The following MOB3A variants were observed in gnomAD, a reference collection of about 807,000 sequenced individuals.
MOB3A encodes the protein MOB LAK.
A neutral mutation model predicts 17.8 loss-of-function variants in MOB3A; 17 were observed. The ratio of observed to expected loss-of-function variants is 0.95; its 90% confidence interval spans 0.65 to 1.43. The LOEUF is 1.43. MOB3A is among the 40% of genes most tolerant of loss of function. MOB3A has a pLI of 0.00. For synonymous variants in MOB3A, 124 were observed against 133.2 expected (o/e 0.93, Z 0.48); for missense variants, 333 against 310.8 (o/e 1.07, Z -0.54).
At chr19:2,081,811 G>A (rs993539038) in intron 2 of MOB3A, among the ~76,000 whole-genome samples, 2 of 152,202 alleles carry the variant, frequency 1.3e-5, no homozygotes, top group African/African-American at 4.8e-5. Context: ...TTGAACCTGG[G>A]AGGCAGAGGT....
At chr19:2,087,249 G>A (rs1021114027) in intron 1 of MOB3A, among the ~76,000 whole-genome samples, 2 of 152,188 alleles carry the variant, frequency 1.3e-5, no homozygotes, top group Admixed American at 6.5e-5. Context: ...CATCCCACAC[G>A]TTTTAACCTT....
In MOB3A at chr19:2,078,162, C is replaced by T; in HGVS notation, c.399G>A (p.Glu133=). Residue 133 remains glutamate (E), a synonymous_variant, in exon 3 of 5, where the codon GAG becomes GAA. Coordinates refer to ENST00000357066, the MANE Select transcript of MOB3A (RefSeq NM_130807.3). ...CACCAACGTTGGTGGGGAAGAGGTC[C>T]TCGTTGTTGATCTGCGCCTCGATCC... ...MDWIEAQINN[E]DLFPTNVGTP... The T allele has an allele frequency of 6.3e-7, 1 of 1,582,894 alleles. No individual in the cohort carries two copies. The highest frequency in any genetic ancestry group is 8.6e-7 in the Non-Finnish European group (1 of 1,159,006).
chr19:2,076,368 G>GTTGCAGTGAGCCGAGA lies in MOB3A; in HGVS notation c.624+427_624+442dup, dbSNP rs370799194. Among the ~76,000 whole-genome samples the GTTGCAGTGAGCCGAGA allele has an allele frequency of 3.9e-4, 60 of 152,150 alleles. 1 individual carries two copies. Among genetic ancestry groups the GTTGCAGTGAGCCGAGA allele is most frequent in the African/African-American group, 1.2e-3 (49 of 41,502 alleles). ...AATCACTTGAACTCGGGAGGCGGAG[G>GTTGCAGTGAGCCGAGA]TTGCAGTGAGCCGAGATCGCACCAC... On this transcript the variant is annotated intron_variant, in intron 4 of 4. Transcript: ENST00000357066.
chr19:2,087,710 G>A (rs975584886), intron 1 of MOB3A, among the ~76,000 whole-genome samples: 3 of 152,190 alleles, frequency 2.0e-5, no homozygotes, highest in Admixed American at 6.5e-5. Flanking sequence ...GAGACGTCAC[G>A]GACACCTGTG....
chr19:2,080,354 T>C (rs2017471236), intron 2 of MOB3A, among the ~76,000 whole-genome samples: 1 of 151,090 alleles, frequency 6.6e-6, no homozygotes, highest in Non-Finnish European at 1.5e-5. Flanking sequence ...CACACATTCA[T>C]CACGTTCTAG....
At chr19:2,094,922 G>T (rs967003469) in intron 1 of MOB3A, among the ~76,000 whole-genome samples, 13 of 152,372 alleles carry the variant, frequency 8.5e-5, no homozygotes, top group South Asian at 4.1e-4. Flanking sequence ...TGTAATCCCA[G>T]CACTTTGGGA....
intron 1 of MOB3A, among the ~76,000 whole-genome samples, chr19:2,087,244 C>A (rs2017564011): frequency 6.6e-6 from 1 of 152,226 alleles, no homozygotes; most frequent in Admixed American, 6.5e-5. Context: ...ACTCACATCC[C>A]ACACGTTTTA....
In MOB3A at chr19:2,078,315, G is replaced by C. The variant is rs745757881; in HGVS notation, c.246C>G (p.Gly82=). 1.9e-6 allele frequency: 3 copies of C among 1,614,202 alleles called. No individual in the cohort carries two copies. The highest frequency in any genetic ancestry group is 2.5e-6 in the Non-Finnish European group (3 of 1,180,032). The change falls in exon 3 of 5, where the codon GGC becomes GGG. Residue 82 remains glycine, a synonymous_variant. Coordinates refer to ENST00000357066, the MANE Select transcript of MOB3A (RefSeq NM_130807.3). ...TGACGGGGCAGGACTGCTCCGTGCAGCCGTCGCTGATGGTGCCGTAGATGA... is the reference window on the plus strand; with the variant it reads ...TGACGGGGCAGGACTGCTCCGTGCACCCGTCGCTGATGGTGCCGTAGATGA... The part of the protein sequence containing the change: ...VNLIYGTISD[G]CTEQSCPVMS...
chr19:2,091,512 T>C (rs565089123), intron 1 of MOB3A, among the ~76,000 whole-genome samples: 3 of 151,086 alleles, frequency 2.0e-5, no homozygotes, highest in Admixed American at 6.6e-5. Context: ...GCCTCCCAAG[T>C]AGCTGGGATT....
intron 3 of MOB3A, among the ~76,000 whole-genome samples, chr19:2,077,836 T>A (rs541322449): frequency 1.3e-5 from 2 of 150,818 alleles, no homozygotes; most frequent in Non-Finnish European, 3.0e-5. Flanking sequence ...CAGGCTGGAG[T>A]ACAGTGGCAC....
At position 2,078,215 on chromosome 19, in the gene MOB3A, G is replaced by C. The variant is rs375581326; in HGVS notation, c.346C>G (p.Pro116Ala). 1 of 1,613,400 alleles carries C rather than the reference G, an allele frequency of 6.2e-7. No homozygotes were observed. The highest frequency in any genetic ancestry group is 1.7e-4 in the Middle Eastern group (1 of 6,058). Residue 116 changes from proline (P) to alanine (A), a missense_variant, in exon 3 of 5, where the codon CCC becomes GCC. Physicochemically the swap from Pro to Ala is conservative, Grantham distance 27. Transcript: ENST00000357066. Reference sequence around the variant, plus strand: ...TCCATCAGCAGGTCCATGTACCTGGGCGCGGAGAGTGCCGTGGGCTTCCGG... The same window carrying C: ...TCCATCAGCAGGTCCATGTACCTGGCCGCGGAGAGTGCCGTGGGCTTCCGG... Reference protein sequence around the residue: ...KFRKPTALSAPRYMDLLMDWI... With the variant: ...KFRKPTALSAARYMDLLMDWI...
Position 2,093,641 on chromosome 19 carries a change from C to T in MOB3A, c.-274+2585G>A. On this transcript the variant is annotated intron_variant, in intron 1 of 4. Coordinates refer to ENST00000357066, the MANE Select transcript of MOB3A (RefSeq NM_130807.3). This position sits in a 1 kb window ranked among gnomAD's most constrained non-coding sequence, Gnocchi z 4.6. Reference sequence around the variant, plus strand: ...GGATTACAGGTATGAGCCACCCGCACCTGGCCAGCACATCCCAATTCGGAC... The same window carrying T: ...GGATTACAGGTATGAGCCACCCGCATCTGGCCAGCACATCCCAATTCGGAC... Among the ~76,000 whole-genome samples, 1 of 152,158 alleles carries T rather than the reference C, an allele frequency of 6.6e-6. No individual in the cohort carries two copies.
chr19:2,072,477 CT>C lies in MOB3A; in HGVS notation c.*917del, dbSNP rs2145714899. The C allele has an allele frequency of 6.6e-6, 1 of 152,200 alleles. No individual in the cohort carries two copies. Among genetic ancestry groups the C allele is most frequent in the Non-Finnish European group, 1.5e-5 (1 of 68,018 alleles). The allele number at this position is 152,200 out of a possible 1,614,324, so 9.4% of individuals were successfully genotyped here. On this transcript the variant is annotated 3_prime_UTR_variant, in exon 5 of 5. Coordinates refer to ENST00000357066, the MANE Select transcript of MOB3A (RefSeq NM_130807.3). ...AATCTCAAGATGGTTGTAAATGTGACTATAAAAATCAAACCCTTTATGATAC... is the reference window on the plus strand; with the variant it reads ...AATCTCAAGATGGTTGTAAATGTGACATAAAAATCAAACCCTTTATGATAC...
rs1239348389 is a variant in MOB3A, at chr19:2,082,332, G to T, written c.-120+2843C>A. 6.6e-6 allele frequency among the ~76,000 whole-genome samples: 1 copy of T among 152,216 alleles called. No homozygotes were observed. The highest frequency in any genetic ancestry group is 1.5e-5 in the Non-Finnish European group (1 of 68,038). ...TGCAAGGTGCTGAGCGGCATCCCTG[G>T]CCGCCGCCCCTCCCTGCCAGGAGCT... On this transcript the variant is annotated intron_variant, in intron 2 of 4. Transcript: ENST00000357066. The surrounding 1 kb of genome is among the most constrained non-coding windows in gnomAD (Gnocchi z 4.1).
chr19:2,075,179 C>T (rs546749855), intron 4 of MOB3A, among the ~76,000 whole-genome samples: 1 of 152,212 alleles, frequency 6.6e-6, no homozygotes, highest in East Asian at 1.9e-4. Flanking sequence ...CAGGCACGCA[C>T]CACTGTGCCT....
intron 2 of MOB3A, chr19:2,084,086 T>G (rs1248765749): frequency 2.1e-6 from 1 of 472,164 alleles, no homozygotes; most frequent in South Asian, 1.5e-5. Context: ...CTTATCTTTG[T>G]CTATATCCTT....
At chr19:2,080,924 T>C (rs1347364827) in intron 2 of MOB3A, among the ~76,000 whole-genome samples, 1 of 152,142 alleles carries the variant, frequency 6.6e-6, no homozygotes, top group Non-Finnish European at 1.5e-5. Context: ...GTAGATGGCT[T>C]GCGTCCAGGA....
chr19:2,084,122 C>G (rs752733396), intron 2 of MOB3A: 11 of 501,160 alleles, frequency 2.2e-5, no homozygotes, highest in Non-Finnish European at 4.4e-5. Flanking sequence ...AGACTCACAC[C>G]AAGACAGTTC....
At chr19:2,077,198 C>T (rs1295033579) in intron 3 of MOB3A, among the ~76,000 whole-genome samples, 185 bp from the exon 4 acceptor site, 4 of 152,020 alleles carry the variant, frequency 2.6e-5, no homozygotes, top group African/African-American at 4.8e-5. Context: ...GTCTGGAGTT[C>T]GAGACCAGCC....
Sources: gnomAD v4.1 joint callset for allele counts (sites outside exome capture counted in the v4.1 genomes callset) on GRCh38, gnomAD v4.1.1 for gene constraint, Gnocchi (gnomAD v3.1) non-coding constraint, MANE v1.5 for transcripts, NCBI Gene and HGNC (gene_info 2026-07-23, HGNC 2026-07-21) for gene names.